The following CRPPA variants were observed in gnomAD, a reference collection of about 807,000 sequenced individuals.
CRPPA encodes the protein CDP-L-ribitol pyrophosphorylase A.
CRPPA carries 43 observed loss-of-function variants against 52.0 expected under a neutral mutation model. The observed-to-expected ratio is 0.83, with a 90% CI of 0.65 to 1.07. The LOEUF (loss-of-function observed/expected upper bound fraction) is 1.07, where lower values mean the gene tolerates loss of function less well. Among genes scored for constraint, CRPPA ranks in the 50% least tolerant of loss-of-function variants. The pLI is 0.00. For missense variants in CRPPA, 629 were observed against 551.7 expected, an observed-to-expected ratio of 1.14 and a Z score of -1.40; for synonymous variants, 250 against 203.5, an observed-to-expected ratio of 1.23 and a Z score of -1.94.
chr7:16,213,624 C>A (rs1782213053), intron 9 of CRPPA, among the ~76,000 whole-genome samples: 1 of 151,796 alleles, frequency 6.6e-6, no homozygotes, highest in Admixed American at 6.6e-5. Context: ...TGGCGGGCAC[C>A]CATAATCCCA....
intron 1 of CRPPA, 54 bp downstream of exon 1, chr7:16,421,012 G>C (rs1047459812): frequency 1.9e-5 from 24 of 1,256,952 alleles, no homozygotes; most frequent in Non-Finnish European, 2.2e-5. Context: ...GGCAGGGCGG[G>C]GAGCGGGAGG....
chr7:16,282,041 G>A (rs954520832), intron 5 of CRPPA, among the ~76,000 whole-genome samples: 3 of 152,008 alleles, frequency 2.0e-5, no homozygotes, highest in African/African-American at 4.8e-5. Context: ...TTGTTTTCTA[G>A]TTTATGAGTT....
chr7:16,142,367 T>C (rs1231342359), intron 9 of CRPPA, among the ~76,000 whole-genome samples: 4 of 152,326 alleles, frequency 2.6e-5, no homozygotes, highest in African/African-American at 9.6e-5. Flanking sequence ...AACTTGTACA[T>C]TAATTTAAAT....
At chr7:16,197,633 T>C (rs989800116) in intron 9 of CRPPA, among the ~76,000 whole-genome samples, 2 of 151,718 alleles carry the variant, frequency 1.3e-5, no homozygotes, top group African/African-American at 2.4e-5. Context: ...GTAAATTCTT[T>C]CATCTGAATT....
At chr7:16,329,798 T>A (rs1447096008) in intron 3 of CRPPA, among the ~76,000 whole-genome samples, 1 of 152,124 alleles carries the variant, frequency 6.6e-6, no homozygotes, top group Non-Finnish European at 1.5e-5. Flanking sequence ...AAAATGTAGT[T>A]CTCTTTTGGC....
intron 2 of CRPPA, among the ~76,000 whole-genome samples, chr7:16,397,536 CAT>C (rs755904925): frequency 0.021 from 3,044 of 143,624 alleles, 92 homozygotes; most frequent in African/African-American, 0.08. Flanking sequence ...ATCAACACAA[CAT>C]GTGATTGACG....
At chr7:16,098,777 C>A (rs1781981804) in intron 9 of CRPPA, among the ~76,000 whole-genome samples, 1 of 152,170 alleles carries the variant, frequency 6.6e-6, no homozygotes, top group Non-Finnish European at 1.5e-5. Flanking sequence ...GGCACACTGT[C>A]CCCTAGTGGA....
In CRPPA at chr7:16,389,913, C is replaced by CAAAAAAA. The variant is rs1163092089; in HGVS notation, c.535-13679_535-13673dup. 5.0e-4 allele frequency among the ~76,000 whole-genome samples: 17 copies of CAAAAAAA among 34,306 alleles called. 2 individuals are homozygous for CAAAAAAA. Among genetic ancestry groups the CAAAAAAA allele is most frequent in the African/African-American group, 3.8e-3 (17 of 4,520 alleles). The allele number at this position is 34,306 out of a possible 152,430, so 22.5% of individuals were successfully genotyped here. ...GGATACAGAGAACAAGCCTAGTATACAAAAAAAAAAAAAAAATATATATAT... is the reference window on the plus strand; with the variant it reads ...GGATACAGAGAACAAGCCTAGTATACAAAAAAAAAAAAAAAAAAAAAAATATATATAT... On this transcript the variant is annotated intron_variant, in intron 2 of 9. Coordinates refer to ENST00000407010, the MANE Select transcript of CRPPA (RefSeq NM_001101426.4).
At chr7:16,174,991 G>C (rs1299852875) in intron 9 of CRPPA, among the ~76,000 whole-genome samples, 1 of 152,052 alleles carries the variant, frequency 6.6e-6, no homozygotes, top group African/African-American at 2.4e-5. Context: ...CTGAGAGAAG[G>C]GTAAGATTTT....
chr7:16,369,213 T>TA (rs1175207924), intron 3 of CRPPA, among the ~76,000 whole-genome samples: 1 of 152,160 alleles, frequency 6.6e-6, no homozygotes, highest in African/African-American at 2.4e-5. Flanking sequence ...CTGTTCATTT[T>TA]AAGGGCTCCC....
At chr7:16,391,594 G>T (rs1787447226) in intron 2 of CRPPA, among the ~76,000 whole-genome samples, 1 of 152,010 alleles carries the variant, frequency 6.6e-6, no homozygotes, top group African/African-American at 2.4e-5. Flanking sequence ...CTTAAATAAC[G>T]CTAAAAAATT....
At chr7:16,135,464 C>T (rs1782746758) in intron 9 of CRPPA, among the ~76,000 whole-genome samples, 1 of 151,870 alleles carries the variant, frequency 6.6e-6, no homozygotes, top group South Asian at 2.1e-4. Context: ...GCAATTAGAC[C>T]CAAAGACCAC....
intron 4 of CRPPA, among the ~76,000 whole-genome samples, chr7:16,305,327 C>G (rs1003712076): frequency 6.6e-6 from 1 of 152,086 alleles, no homozygotes; most frequent in East Asian, 1.9e-4. Context: ...AAACAAAAAA[C>G]GCTTATAACG....
chr7:16,232,925 A>G (rs114036272), intron 8 of CRPPA, among the ~76,000 whole-genome samples: 1,917 of 152,280 alleles, frequency 0.013, 48 homozygotes, highest in African/African-American at 0.044. Context: ...AGAACATTAA[A>G]ACAGTTATTA....
intron 9 of CRPPA, among the ~76,000 whole-genome samples, chr7:16,121,380 T>G (rs1422185711): frequency 6.6e-6 from 1 of 152,034 alleles, no homozygotes; most frequent in Admixed American, 6.6e-5. Context: ...TAACTTGCTT[T>G]CAGGAATAAC....
chr7:16,341,390 C>T (rs780773369), intron 3 of CRPPA, among the ~76,000 whole-genome samples: 29 of 152,046 alleles, frequency 1.9e-4, no homozygotes, highest in African/African-American at 2.4e-4. Flanking sequence ...GTACCTCCTC[C>T]ATCTTGCTGT....
chr7:16,333,329 A>G (rs1785601857), intron 3 of CRPPA, among the ~76,000 whole-genome samples: 1 of 152,186 alleles, frequency 6.6e-6, no homozygotes, highest in Non-Finnish European at 1.5e-5. Context: ...TGCTTCTCAG[A>G]CTCATATGAA....
intron 8 of CRPPA, among the ~76,000 whole-genome samples, chr7:16,244,402 C>A (rs758390942): frequency 1.3e-5 from 2 of 152,172 alleles, no homozygotes; most frequent in Non-Finnish European, 2.9e-5. Flanking sequence ...CACTGCTTAA[C>A]TTCTTCCAGG....
At chr7:16,305,819 T>C (rs893000048) in intron 4 of CRPPA, among the ~76,000 whole-genome samples, 3 of 152,066 alleles carry the variant, frequency 2.0e-5, no homozygotes, top group Non-Finnish European at 2.9e-5. Context: ...GAGTCGGAGG[T>C]TGCAGTGAGC....
Sources: gnomAD v4.1 joint callset for allele counts (sites outside exome capture counted in the v4.1 genomes callset) on GRCh38, gnomAD v4.1.1 for gene constraint, MANE v1.5 for transcripts, NCBI Gene and HGNC (gene_info 2026-07-23, HGNC 2026-07-21) for gene names.